Variants in RNF123 observed in about 807,000 individuals in gnomAD.
The protein encoded by RNF123 is E3 ubiquitin-protein ligase RNF123.
In RNF123, 86 loss-of-function variants were observed where a neutral mutation model predicts 168.5. The ratio of observed to expected loss-of-function variants is 0.51; its 90% CI spans 0.43 to 0.61. RNF123 has a LOEUF of 0.61. Ranked by LOEUF, RNF123 falls within the 20% of genes least tolerant of loss-of-function variation. The probability of loss-of-function intolerance (pLI) is 0.00; values close to 1 mark genes in which losing one functional copy is unlikely to be tolerated. For synonymous variants in RNF123, 666 were observed against 689.1 expected, an observed-to-expected ratio of 0.97 and a Z score of 0.52; for missense variants, 1,419 against 1,729.7, an observed-to-expected ratio of 0.82 and a Z score of 3.19.
At chr3:49,706,522 G>GGGT (rs2054523303) in intron 25 of RNF123, among the ~76,000 whole-genome samples, 1 of 152,226 alleles carries the variant, frequency 6.6e-6, no homozygotes, top group Admixed American at 6.5e-5. Context: ...CAGCGGTTCT[G>GGGT]GCATCAGGTC....
chr3:49,720,390 C>A (rs1342368479), intron 35 of RNF123, 121 bp from the exon 36 acceptor site: 2 of 998,184 alleles, frequency 2.0e-6, no homozygotes, highest in Non-Finnish European at 2.8e-6. Flanking sequence ...AGCAGGGAGA[C>A]GGAAAGGATG....
chr3:49,716,711 C>T (rs1449380217), intron 35 of RNF123: 3 of 502,484 alleles, frequency 6.0e-6, no homozygotes, highest in South Asian at 4.6e-5. Context: ...GCCCACAGAG[C>T]CACTGGCTTG....
At chr3:49,713,420 A>G in intron 27 of RNF123, 93 bp from the exon 28 acceptor site, 2 of 1,264,860 alleles carry the variant, frequency 1.6e-6, no homozygotes, top group Non-Finnish European at 2.2e-6. Flanking sequence ...AGCCAGCTCT[A>G]GAGCCTGCTA....
Position 49,721,035 on chromosome 3 carries a change from G to C in RNF123, c.3754G>C (p.Asp1252His). Reference protein sequence around the residue: ...AAASLPTSEEDLCPICYAHPI... With the variant: ...AAASLPTSEEHLCPICYAHPI... ...CTCCCTGCAGCCCACCAGTGAGGAGGACCTCTGCCCCATCTGCTATGCCCA... is the reference window on the plus strand; with the variant it reads ...CTCCCTGCAGCCCACCAGTGAGGAGCACCTCTGCCCCATCTGCTATGCCCA... The change falls in exon 38 of 39, where the codon GAC becomes CAC. Residue 1252 changes from aspartate to histidine, a missense_variant. Physicochemically the swap from Asp to His is moderately conservative, Grantham distance 81. Transcript: ENST00000327697. The C allele has an allele frequency of 6.2e-7, 1 of 1,612,506 alleles. No individual in the cohort carries two copies. The highest frequency in any genetic ancestry group is 8.5e-7 in the Non-Finnish European group (1 of 1,178,940).
chr3:49,712,371 G>A lies in RNF123; in HGVS notation c.2497-108G>A, dbSNP rs76570343. ...CATGCTTCCTGAAATCCAGGTCTCA[G>A]TTGTGCTGTCGTAGGCCTGGGGAGG... is the stretch of plus-strand genomic sequence containing the variant. On this transcript the variant is annotated intron_variant, in intron 26 of 38. Transcript: ENST00000327697. The A allele has an allele frequency of 9.9e-3, 10,066 of 1,021,102 alleles. 73 individuals carry two copies. Among genetic ancestry groups the A allele is most frequent in the Middle Eastern group, 0.042 (148 of 3,502 alleles). 63.3% of individuals were successfully genotyped at this position (1,021,102 alleles called of 1,614,324 possible).
chr3:49,698,255 C>T (rs1202423720), intron 7 of RNF123, 118 bp downstream of exon 7: 7 of 1,019,970 alleles, frequency 6.9e-6, no homozygotes, highest in South Asian at 1.5e-5. Context: ...CCTGGACTGC[C>T]CTCTGGAGAA....
chr3:49,713,977 A>T lies in RNF123; in HGVS notation c.2905A>T (p.Ile969Phe). ...GCGGCCCTGGGCCCAGACCAACTGG[A>T]TCCTGGTGCGGCTCTGGAGGGTAAG... Reference protein sequence around the residue: ...EQRPWAQTNWILVRLWRGCGF... With the variant: ...EQRPWAQTNWFLVRLWRGCGF... The change falls in exon 30 of 39, where the codon ATC (isoleucine) becomes TTC (phenylalanine). Residue 969 changes from isoleucine (I) to phenylalanine (F), a missense_variant. Physicochemically the swap from Ile to Phe is conservative, Grantham distance 21. Transcript: ENST00000327697. 1 of 1,614,026 alleles carries T rather than the reference A, an allele frequency of 6.2e-7. No homozygotes were observed. The highest frequency in any genetic ancestry group is 1.1e-5 in the South Asian group (1 of 91,084).
chr3:49,708,592 A>G (rs1008413622), intron 26 of RNF123, among the ~76,000 whole-genome samples: 3 of 152,244 alleles, frequency 2.0e-5, no homozygotes, highest in Non-Finnish European at 4.4e-5. Flanking sequence ...CCTGGCAACC[A>G]CCATCCTACT....
At chr3:49,718,284 G>GC (rs1436072580) in intron 35 of RNF123, 1 of 1,612,954 alleles carries the variant, frequency 6.2e-7, no homozygotes, top group Non-Finnish European at 8.5e-7. Context: ...CGAGCACAAG[G>GC]CCCACGGCAC....
intron 3 of RNF123, among the ~76,000 whole-genome samples, chr3:49,693,529 G>C (rs1236854838): frequency 6.6e-6 from 1 of 151,428 alleles, no homozygotes; most frequent in Non-Finnish European, 1.5e-5. Context: ...GTTAATTTTG[G>C]TATTTTTAGT....
Position 49,694,965 on chromosome 3 carries a change from C to A in RNF123, c.168-2178C>A, listed in dbSNP as rs1002920845. On this transcript the variant is annotated intron_variant, in intron 3 of 38. Transcript: ENST00000327697. The stretch of plus-strand genomic sequence containing the variant: ...TGGGACCTAGGAGATCCAAAAAGGT[C>A]AGGGAAGTTGCTGGTCTTGGCCAAA... Among the ~76,000 whole-genome samples the A allele has an allele frequency of 1.4e-3, 217 of 152,170 alleles. 5 individuals are homozygous for A. The highest frequency in any genetic ancestry group is 4.3e-4 in the Non-Finnish European group (29 of 68,032).
chr3:49,720,946 C>T (rs771437569), intron 37 of RNF123, 52 bp downstream of exon 37: 1 of 1,607,070 alleles, frequency 6.2e-7, no homozygotes, highest in South Asian at 1.1e-5. Flanking sequence ...TGTGTGCACT[C>T]CTACACAGGC....
chr3:49,700,066 T>A (rs931861710), intron 12 of RNF123, 161 bp from the exon 13 acceptor site: 15 of 1,004,488 alleles, frequency 1.5e-5, no homozygotes, highest in Non-Finnish European at 2.0e-5. Context: ...ATGGCCTTCT[T>A]GTCCCTCAGT....
In RNF123 at chr3:49,699,610, TGG is replaced by T. The variant is rs2054335042; in HGVS notation, c.879+33_879+34del. ...GAGCTGGGGTCTGGGCCAGGCGGGG[TGG>T]GGGGCTTCCACAGCCTCCTGCCCCT... is the stretch of plus-strand genomic sequence containing the variant. On this transcript the variant is annotated intron_variant, in intron 11 of 38. Coordinates refer to ENST00000327697, the MANE Select transcript of RNF123 (RefSeq NM_022064.5). The surrounding 1 kb of genome is among the most constrained non-coding windows in gnomAD (Gnocchi z 4.8). 6.2e-7 allele frequency: 1 copy of T among 1,610,990 alleles called. No homozygotes were observed. The highest frequency in any genetic ancestry group is 8.5e-7 in the Non-Finnish European group (1 of 1,178,370).
intron 27 of RNF123, chr3:49,713,101 C>G: frequency 1.7e-6 from 1 of 601,572 alleles, no homozygotes. Context: ...TCTCAGCCTG[C>G]TGATTCCAGG....
chr3:49,698,619 C>G, intron 8 of RNF123, 93 bp downstream of exon 8: 1 of 1,545,368 alleles, frequency 6.5e-7, no homozygotes, highest in Non-Finnish European at 8.9e-7. Context: ...TACAGGGCAC[C>G]AGGGAAGGGT....
intron 26 of RNF123, 57 bp from the exon 27 acceptor site, chr3:49,712,422 A>G (rs2080160000): frequency 1.3e-6 from 2 of 1,578,268 alleles, no homozygotes; most frequent in Non-Finnish European, 1.7e-6. Context: ...AGGCCAGGAC[A>G]TGCCCCCAAG....
chr3:49,721,441 A>G lies in RNF123; in HGVS notation c.*136A>G, dbSNP rs760282130. 5.0e-6 allele frequency: 6 copies of G among 1,211,466 alleles called. No individual in the cohort carries two copies. The highest frequency in any genetic ancestry group is 1.5e-5 in the African/African-American group (1 of 67,360). 75.0% of individuals were successfully genotyped at this position (1,211,466 alleles called of 1,614,324 possible). ...AACCTCCTTGCCTGCCTGTATCCTC[A>G]TTGGTGGGAGCCCAGCCATGGCCCT... On this transcript the variant is annotated 3_prime_UTR_variant, in exon 39 of 39. Transcript: ENST00000327697.
intron 26 of RNF123, among the ~76,000 whole-genome samples, chr3:49,708,837 A>T (rs1045426625): frequency 1.3e-5 from 2 of 152,230 alleles, no homozygotes; most frequent in Non-Finnish European, 2.9e-5. Context: ...GGCTACTGTG[A>T]ATAATGCTGT....
Sources: gnomAD v4.1 joint callset for allele counts (sites outside exome capture counted in the v4.1 genomes callset) on GRCh38, gnomAD v4.1.1 for gene constraint, Gnocchi (gnomAD v3.1) non-coding constraint, MANE v1.5 for transcripts, NCBI Gene and HGNC (gene_info 2026-07-23, HGNC 2026-07-21) for gene names.